Variants in RASIP1 observed in about 807,000 individuals in gnomAD.
RASIP1 encodes the protein Ras interacting protein 1, also known as ras-interacting protein 1.
In RASIP1, 20 loss-of-function variants were observed where a neutral mutation model predicts 85.3. The ratio of observed to expected loss-of-function variants is 0.23; its 90% CI spans 0.17 to 0.34. RASIP1 has a LOEUF of 0.34. Ranked by LOEUF, RASIP1 falls within the 10% of genes least tolerant of loss-of-function variation. The pLI is 1.00. For synonymous variants in RASIP1, 617 were observed against 647.1 expected (o/e 0.95, Z 0.71); for missense variants, 1,170 against 1,390.9 (o/e 0.84, Z 2.53).
chr19:48,732,767 G>T (rs761023768), intron 4 of RASIP1, among the ~76,000 whole-genome samples: 1 of 152,122 alleles, frequency 6.6e-6, no homozygotes, highest in Non-Finnish European at 1.5e-5. Flanking sequence ...AAGGAGGAAT[G>T]AATTCTTCCA....
Position 48,739,037 on chromosome 19 carries a change from G to A in RASIP1, c.746C>T (p.Ala249Val). ...GCGGCCGCGCAACTCGAAGCGCCGC[G>A]CCCAGCCGGGCCGCGCCCGCCACAG... Reference protein sequence around the residue: ...QELWRARPGWARRFELRGREE... With the variant: ...QELWRARPGWVRRFELRGREE... Residue 249 changes from alanine to valine, a missense_variant, in exon 3 of 12, where the codon GCG becomes GTG. Coordinates refer to ENST00000222145, the MANE Select transcript of RASIP1 (RefSeq NM_017805.3). This position sits in a 1 kb window ranked among gnomAD's most constrained non-coding sequence, Gnocchi z 9.2. 1 of 1,239,450 alleles carries A rather than the reference G, an allele frequency of 8.1e-7. No homozygotes were observed. The highest frequency in any genetic ancestry group is 1.0e-6 in the Non-Finnish European group (1 of 996,870). 76.8% of individuals were successfully genotyped at this position (1,239,450 alleles called of 1,614,324 possible).
rs1276995498 is a variant in RASIP1 at position 48,724,868 on chromosome 19, C to T, written c.2220G>A (p.Met740Ile). ...LPGPGAELGA[M>I]PPGLRPTLGV... ...CCAGGGTAGGTCTCAATCCTGGAGGCATGGCCCCCAGCTCCGCGCCAGGCC... is the reference window on the plus strand; with the variant it reads ...CCAGGGTAGGTCTCAATCCTGGAGGTATGGCCCCCAGCTCCGCGCCAGGCC... The change falls in exon 9 of 12, where the codon ATG (methionine) becomes ATA (isoleucine). Residue 740 changes from methionine (M) to isoleucine (I), a missense_variant. Met to Ile is a conservative substitution (Grantham distance 10, BLOSUM62 1). Coordinates refer to ENST00000222145, the MANE Select transcript of RASIP1 (RefSeq NM_017805.3). The surrounding 1 kb of genome is among the most constrained non-coding windows in gnomAD (Gnocchi z 4.6). The T allele has an allele frequency of 1.2e-6, 2 of 1,614,254 alleles. No homozygotes were observed. The highest frequency in any genetic ancestry group is 8.5e-7 in the Non-Finnish European group (1 of 1,180,046).
At position 48,735,234 on chromosome 19, in the gene RASIP1, G is replaced by A; in HGVS notation, c.1141C>T (p.Pro381Ser). 2 of 1,613,560 alleles carry A rather than the reference G, an allele frequency of 1.2e-6. No individual in the cohort carries two copies. The highest frequency in any genetic ancestry group is 1.7e-6 in the Non-Finnish European group (2 of 1,179,734). ...TAGCCCTGGAGCAGCAGGAAGTAGG[G>A]GCGGTTGCTGGGGGCCTGGATGAGG... ...QCLIQAPSNR[P>S]YFLLLQGYQD... is the part of the protein sequence containing the mutation. The change falls in exon 4 of 12, where the codon CCC becomes TCC. Residue 381 changes from proline (P) to serine (S), a missense_variant. Around this residue, in one of 4 missense-constraint regions of RASIP1, gnomAD observed 301 missense variants for 294.8 expected, o/e 1.02. Coordinates refer to ENST00000222145, the MANE Select transcript of RASIP1 (RefSeq NM_017805.3).
chr19:48,739,659 G>A lies in RASIP1; in HGVS notation c.138-14C>T. 7.2e-7 allele frequency: 1 copy of A among 1,389,966 alleles called. No individual in the cohort carries two copies. The highest frequency in any genetic ancestry group is 9.3e-7 in the Non-Finnish European group (1 of 1,071,342). The allele number at this position is 1,389,966 out of a possible 1,614,324, so 86.1% of individuals were successfully genotyped here. A position where few individuals can be genotyped will look rare whatever the true frequency, so the allele number is the denominator to read the frequency against. On this transcript the variant is annotated splice_polypyrimidine_tract_variant and intron_variant, in intron 2 of 11. Coordinates refer to ENST00000222145, the MANE Select transcript of RASIP1 (RefSeq NM_017805.3). This position sits in a 1 kb window ranked among gnomAD's most constrained non-coding sequence, Gnocchi z 9.2. ...GACGAAGAAGACCTGGGAGTCCGCC[G>A]GGGAACAGAGTCGCGGGAGAGAGAC...
Position 48,735,272 on chromosome 19 carries a change from T to C in RASIP1, c.1103A>G (p.Gln368Arg), listed in dbSNP as rs576524717. 44 of 1,614,068 alleles carry C rather than the reference T, an allele frequency of 2.7e-5. No individual in the cohort carries two copies. In the South Asian group the frequency reaches 3.6e-4, roughly 13 times the overall value. Reference sequence around the variant, plus strand: ...GGCCTGGATGAGGCACTGAGTCAACTGATCGAAGTCCCCGGGGTCTGCAGT... The same window carrying C: ...GGCCTGGATGAGGCACTGAGTCAACCGATCGAAGTCCCCGGGGTCTGCAGT... ...IGTADPGDFDQLTQCLIQAPS... is the reference protein window; with the variant it reads ...IGTADPGDFDRLTQCLIQAPS... The change falls in exon 4 of 12, where the codon CAG becomes CGG. Residue 368 changes from glutamine (Q) to arginine (R), a missense_variant. Gln to Arg is a conservative substitution (Grantham distance 43). Transcript: ENST00000222145.
At chr19:48,736,762 C>T (rs1229759547) in intron 3 of RASIP1, among the ~76,000 whole-genome samples, 1 of 152,106 alleles carries the variant, frequency 6.6e-6, no homozygotes, top group Non-Finnish European at 1.5e-5. Context: ...AGGCTGGGCG[C>T]GGTGGCTCAC....
Position 48,729,122 on chromosome 19 carries a change from G to C in RASIP1, c.1648C>G (p.Arg550Gly). 7.3e-7 allele frequency: 1 copy of C among 1,362,302 alleles called. No individual in the cohort carries two copies. 84.4% of individuals were successfully genotyped at this position (1,362,302 alleles called of 1,614,324 possible). A position where few individuals can be genotyped will look rare whatever the true frequency, so the allele number is the denominator to read the frequency against. The change falls in exon 5 of 12, where the codon CGC becomes GGC. Residue 550 changes from arginine to glycine, a missense_variant. By Grantham distance (125) the Arg-to-Gly change is moderately radical. Transcript: ENST00000222145. ...GREPVLRFRP[R>G]EEEALLGEIV... ...TCGCCCAGCAGCGCCTCCTCCTCGCGCGGCCGGAAGCGCAGGACTGGCTCA... is the reference window on the plus strand; with the variant it reads ...TCGCCCAGCAGCGCCTCCTCCTCGCCCGGCCGGAAGCGCAGGACTGGCTCA...
chr19:48,735,691 G>C lies in RASIP1; in HGVS notation c.824-140C>G, dbSNP rs982494789. The C allele has an allele frequency of 3.5e-5, 29 of 827,130 alleles. 1 individual carries two copies. In the South Asian group the frequency reaches 5.4e-4, roughly 16 times the overall value. The allele number at this position is 827,130 out of a possible 1,614,324, so 51.2% of individuals were successfully genotyped here. On this transcript the variant is annotated intron_variant, in intron 3 of 11. Coordinates refer to ENST00000222145, the MANE Select transcript of RASIP1 (RefSeq NM_017805.3). ...TAGGATTTAGGCTTTTGCATATTCT[G>C]TTCCCTGTGCGTGGAACACCTTTCT... is the stretch of plus-strand genomic sequence containing the variant.
chr19:48,737,405 C>T, intron 3 of RASIP1: 4 of 956,196 alleles, frequency 4.2e-6, no homozygotes, highest in Non-Finnish European at 5.0e-6. Flanking sequence ...CCAGGCCCCA[C>T]CCCTGCCAGG....
chr19:48,726,228 T>C (rs2033340743), intron 8 of RASIP1, among the ~76,000 whole-genome samples: 1 of 152,008 alleles, frequency 6.6e-6, no homozygotes, highest in Non-Finnish European at 1.5e-5. Context: ...TCCGGCGTTA[T>C]ATTACTCTTT....
intron 10 of RASIP1, among the ~76,000 whole-genome samples, chr19:48,723,017 C>T (rs565443645): frequency 2.2e-4 from 33 of 152,040 alleles, no homozygotes; most frequent in Non-Finnish European, 3.7e-4. Context: ...TCTGGAGTGG[C>T]TGGGACCACA....
At chr19:48,723,297 C>T (rs894802887) in intron 10 of RASIP1, among the ~76,000 whole-genome samples, 6 of 152,158 alleles carry the variant, frequency 3.9e-5, no homozygotes, top group African/African-American at 1.4e-4. Context: ...TGGTGGCTCA[C>T]GCCTGTAATC....
In RASIP1 at chr19:48,739,010, T is replaced by A; in HGVS notation, c.773A>T (p.Glu258Val). ...CTCCTGCTCCAGGCGCCGCGCCTCC[T>A]CGCGGCCGCGCAACTCGAAGCGCCG... The part of the protein sequence containing the change: ...WARRFELRGR[E>V]EARRLEQEAF... Residue 258 changes from glutamate (E) to valine (V), a missense_variant, in exon 3 of 12, where the codon GAG (glutamate) becomes GTG (valine). Physicochemically the swap from Glu to Val is moderately radical, Grantham distance 121 (BLOSUM62 -2). Around this residue, in one of 4 missense-constraint regions of RASIP1, gnomAD observed 301 missense variants for 294.8 expected, o/e 1.02. Coordinates refer to ENST00000222145, the MANE Select transcript of RASIP1 (RefSeq NM_017805.3). The surrounding 1 kb of genome is among the most constrained non-coding windows in gnomAD (Gnocchi z 9.2). 1 of 1,231,876 alleles carries A rather than the reference T, an allele frequency of 8.1e-7. No individual in the cohort carries two copies. The highest frequency in any genetic ancestry group is 1.0e-6 in the Non-Finnish European group (1 of 994,564). The allele number at this position is 1,231,876 out of a possible 1,614,324, so 76.3% of individuals were successfully genotyped here. A position where few individuals can be genotyped will look rare whatever the true frequency, so the allele number is the denominator to read the frequency against.
intron 4 of RASIP1, among the ~76,000 whole-genome samples, chr19:48,734,962 C>T (rs2033542475): frequency 6.6e-6 from 1 of 152,178 alleles, no homozygotes; most frequent in Non-Finnish European, 1.5e-5. Flanking sequence ...CAGTGCTTTC[C>T]TCCAACTTTG....
chr19:48,721,822 C>T, intron 11 of RASIP1, 32 bp downstream of exon 11: 1 of 1,565,226 alleles, frequency 6.4e-7, no homozygotes, highest in Non-Finnish European at 8.7e-7. Context: ...AGAAAGCTGA[C>T]AGCCCCAATG....
chr19:48,725,089 A>C, intron 8 of RASIP1, 129 bp from the exon 9 acceptor site: 1 of 1,150,330 alleles, frequency 8.7e-7, no homozygotes, highest in Non-Finnish European at 1.2e-6. Flanking sequence ...TTCTACAGTC[A>C]ACACCCAAAG....
At chr19:48,723,281 C>T (rs1009443893) in intron 10 of RASIP1, among the ~76,000 whole-genome samples, 4 of 152,012 alleles carry the variant, frequency 2.6e-5, no homozygotes, top group African/African-American at 7.2e-5. Flanking sequence ...TGAAATTGGC[C>T]GGCCATGGTG....
Position 48,722,017 on chromosome 19 carries a change from G to A in RASIP1, c.2545-16C>T, listed in dbSNP as rs1446158774. On this transcript the variant is annotated splice_polypyrimidine_tract_variant and intron_variant, in intron 10 of 11. Coordinates refer to ENST00000222145, the MANE Select transcript of RASIP1 (RefSeq NM_017805.3). ...TCCATGAAGCCTGGTGGGAAGACCA[G>A]GTGAGAGGTTGATGGTCATTACGGG... 9 of 1,405,456 alleles carry A rather than the reference G, an allele frequency of 6.4e-6. No homozygotes were observed. Among genetic ancestry groups the A allele is most frequent in the Non-Finnish European group, 8.6e-6 (9 of 1,050,730 alleles). The allele number at this position is 1,405,456 out of a possible 1,614,324, so 87.1% of individuals were successfully genotyped here. A position where few individuals can be genotyped will look rare whatever the true frequency, so the allele number is the denominator to read the frequency against.
In RASIP1 at chr19:48,724,961, C is replaced by CT. The variant is rs2033316369; in HGVS notation, c.2128-2dup. 1 of 1,609,070 alleles carries CT rather than the reference C, an allele frequency of 6.2e-7. No homozygotes were observed. Among genetic ancestry groups the CT allele is most frequent in the African/African-American group, 1.3e-5 (1 of 74,928 alleles). Reference sequence around the variant, plus strand: ...GAGCAGGCAGCGTTGAATAGAGAGTCTGAGAAAATAGAGAAGTGGAAACAA... The same window carrying CT: ...GAGCAGGCAGCGTTGAATAGAGAGTCTTGAGAAAATAGAGAAGTGGAAACAA... On this transcript the variant is annotated splice_acceptor_variant, in intron 8 of 11. Transcript: ENST00000222145. LOFTEE classifies it high-confidence loss of function. The surrounding 1 kb of genome is among the most constrained non-coding windows in gnomAD (Gnocchi z 4.6).
Sources: gnomAD v4.1 joint callset for allele counts (sites outside exome capture counted in the v4.1 genomes callset) on GRCh38, gnomAD v4.1.1 for gene constraint, gnomAD v4.1.1 regional missense constraint, Gnocchi (gnomAD v3.1) non-coding constraint, MANE v1.5 for transcripts, NCBI Gene and HGNC (gene_info 2026-07-23, HGNC 2026-07-21) for gene names.